Variants in CPNE3 observed in about 807,000 individuals in gnomAD.
CPNE3 encodes the protein copine-3.
A neutral mutation model predicts 63.9 loss-of-function variants in CPNE3; 68 were observed. The ratio of observed to expected loss-of-function variants is 1.06; its 90% CI spans 0.87 to 1.30. The LOEUF (loss-of-function observed/expected upper bound fraction) is 1.30. Among genes scored for constraint, CPNE3 ranks in the 50% most tolerant of loss-of-function variants. CPNE3 has a pLI of 0.00. For missense variants in CPNE3, 665 were observed against 578.1 expected (o/e 1.15, Z -1.54); for synonymous variants, 219 against 197.5 (o/e 1.11, Z -0.91).
chr8:86,527,327 CCCCTTTCATT>C (rs1251119273), intron 2 of CPNE3, among the ~76,000 whole-genome samples: 12 of 152,154 alleles, frequency 7.9e-5, no homozygotes, highest in African/African-American at 2.9e-4. Flanking sequence ...ACACCTGCAG[CCCCTTTCATT>C]CCCTGGGTTC....
rs1383203652 is a variant in CPNE3 at position 86,559,386 on chromosome 8, G to A, written c.*976G>A. ...AAAATTTTATACTTTCCTTGCTAAG[G>A]TCCCATATATTGATTTGTACAGATC... On this transcript the variant is annotated 3_prime_UTR_variant, in exon 17 of 17. Transcript: ENST00000517490. 1 of 151,942 alleles carries A rather than the reference G, an allele frequency of 6.6e-6. No individual in the cohort carries two copies. The highest frequency in any genetic ancestry group is 2.4e-5 in the African/African-American group (1 of 41,360). The allele number at this position is 151,942 out of a possible 1,614,324, so 9.4% of individuals were successfully genotyped here. A position where few individuals can be genotyped will look rare whatever the true frequency, so the allele number is the denominator to read the frequency against.
At chr8:86,516,035 C>T (rs979982445) in intron 2 of CPNE3, among the ~76,000 whole-genome samples, 8 of 152,144 alleles carry the variant, frequency 5.3e-5, no homozygotes, top group African/African-American at 7.2e-5. Flanking sequence ...TTTGCCTTTG[C>T]GAGAATTATT....
At chr8:86,547,421 C>CA (rs1456301969) in intron 10 of CPNE3, 1 of 263,352 alleles carries the variant, frequency 3.8e-6, no homozygotes, top group East Asian at 9.6e-5. Flanking sequence ...CTTTTTAAAG[C>CA]CCTCAACATA....
At chr8:86,549,284 C>T (rs1228048100) in intron 12 of CPNE3, among the ~76,000 whole-genome samples, 3 of 152,136 alleles carry the variant, frequency 2.0e-5, no homozygotes, top group Non-Finnish European at 4.4e-5. Context: ...AGGTAAAAAT[C>T]ATTAAATATA....
Position 86,540,713 on chromosome 8 carries a change from A to G in CPNE3, c.633+379A>G, listed in dbSNP as rs374125727. 3.9e-5 allele frequency among the ~76,000 whole-genome samples: 6 copies of G among 152,210 alleles called. No homozygotes were observed. In the East Asian group the frequency reaches 1.2e-3, roughly 29 times the overall value. On this transcript the variant is annotated intron_variant, in intron 8 of 16. Transcript: ENST00000517490. ...TCTGTTGCAGATAGAAGCAGATGTT[A>G]CCGTAAGAACTCAGAGCTTGCTTCT...
chr8:86,518,205 A>G (rs1820355997), intron 2 of CPNE3, among the ~76,000 whole-genome samples: 1 of 152,198 alleles, frequency 6.6e-6, no homozygotes, highest in Admixed American at 6.5e-5. Context: ...AGAAAAGGAA[A>G]GGAGTCAAAT....
chr8:86,559,877 A>G lies in CPNE3; in HGVS notation c.*1467A>G, dbSNP rs986340806. ...CCATGTTGATGTGCCTCTCAGTTTT[A>G]TTGAAAAGCTGCCCCACAGCCCATG... On this transcript the variant is annotated 3_prime_UTR_variant, in exon 17 of 17. Transcript: ENST00000517490. The G allele has an allele frequency of 6.6e-6, 1 of 152,202 alleles. No individual in the cohort carries two copies. Among genetic ancestry groups the G allele is most frequent in the Non-Finnish European group, 1.5e-5 (1 of 68,042 alleles). The allele number at this position is 152,202 out of a possible 1,614,324, so 9.4% of individuals were successfully genotyped here. A position where few individuals can be genotyped will look rare whatever the true frequency, so the allele number is the denominator to read the frequency against.
rs1821381388 is a variant in CPNE3, at chr8:86,559,033, G to GT, written c.*629dup. On this transcript the variant is annotated 3_prime_UTR_variant, in exon 17 of 17. Coordinates refer to ENST00000517490, the MANE Select transcript of CPNE3 (RefSeq NM_003909.5). Reference sequence around the variant, plus strand: ...ATGAGCAGGAAAAGGCACATACTCAGTTTTTTAAATGTACAATCAACAAGT... The same window carrying GT: ...ATGAGCAGGAAAAGGCACATACTCAGTTTTTTTAAATGTACAATCAACAAGT... 1 of 152,288 alleles carries GT rather than the reference G, an allele frequency of 6.6e-6. No homozygotes were observed. Among genetic ancestry groups the GT allele is most frequent in the South Asian group, 2.1e-4 (1 of 4,824 alleles). 9.4% of individuals were successfully genotyped at this position (152,288 alleles called of 1,614,324 possible).
intron 8 of CPNE3, among the ~76,000 whole-genome samples, chr8:86,542,178 A>G (rs1283566422): frequency 1.3e-5 from 2 of 152,228 alleles, no homozygotes; most frequent in African/African-American, 4.8e-5. Flanking sequence ...CTACGTCATC[A>G]CTGACTTTAT....
chr8:86,546,599 A>T lies in CPNE3; in HGVS notation c.737A>T (p.Glu246Val). ...LKEASRSSPV[E>V]FECINEKKRQ... ...TTTTGTCTTCTCTTCCTACAGGTTG[A>T]ATTTGAATGCATAAATGAGAAAAAA... The change falls in exon 10 of 17, where the codon GAA becomes GTA. Residue 246 changes from glutamate (E) to valine (V), a missense_variant. By Grantham distance (121) the Glu-to-Val change is moderately radical. Transcript: ENST00000517490. 1 of 1,613,054 alleles carries T rather than the reference A, an allele frequency of 6.2e-7. No homozygotes were observed.
chr8:86,551,076 C>A lies in CPNE3; in HGVS notation c.1044C>A (p.Gly348=), dbSNP rs137984538. The A allele has an allele frequency of 1.2e-6, 2 of 1,609,654 alleles. No homozygotes were observed. The highest frequency in any genetic ancestry group is 1.1e-5 in the South Asian group (1 of 89,958). Residue 348 remains glycine (G), a synonymous_variant, in exon 13 of 17, where the codon GGC becomes GGA. Coordinates refer to ENST00000517490, the MANE Select transcript of CPNE3 (RefSeq NM_003909.5). Reference sequence around the variant, plus strand: ...AGATGTTTCCAGCTTTTGGTTTTGGCGCTCAGATACCTCCTCAGTGGCAGG... The same window carrying A: ...AGATGTTTCCAGCTTTTGGTTTTGGAGCTCAGATACCTCCTCAGTGGCAGG... The part of the protein sequence containing the change: ...ADKMFPAFGF[G]AQIPPQWQVS...
intron 16 of CPNE3, 137 bp downstream of exon 16, chr8:86,556,475 A>G: frequency 1.4e-6 from 1 of 693,704 alleles, no homozygotes; most frequent in East Asian, 2.5e-5. Context: ...GAGAGCTCCG[A>G]TTTGGTTTAG....
chr8:86,549,958 A>G (rs1037164498), intron 12 of CPNE3, among the ~76,000 whole-genome samples: 1 of 152,204 alleles, frequency 6.6e-6, no homozygotes, highest in African/African-American at 2.4e-5. Context: ...CAGGTGTTCT[A>G]TTATTAAAGG....
intron 2 of CPNE3, among the ~76,000 whole-genome samples, chr8:86,528,127 T>A (rs1325291990): frequency 2.0e-5 from 3 of 151,860 alleles, no homozygotes; most frequent in African/African-American, 7.3e-5. Context: ...TTTTTTTATT[T>A]TTAGTAGAGA....
intron 2 of CPNE3, among the ~76,000 whole-genome samples, chr8:86,517,635 A>T (rs2131415716): frequency 6.6e-6 from 1 of 152,328 alleles, no homozygotes. Flanking sequence ...AAATATGTAA[A>T]ATTGCACCCC....
At chr8:86,538,914 C>G (rs1033440853) in intron 7 of CPNE3, among the ~76,000 whole-genome samples, 2 of 152,134 alleles carry the variant, frequency 1.3e-5, no homozygotes, top group Non-Finnish European at 2.9e-5. Context: ...TGGTGTGAAA[C>G]TATGAGACTG....
At chr8:86,524,169 G>C (rs990853322) in intron 2 of CPNE3, among the ~76,000 whole-genome samples, 3 of 152,132 alleles carry the variant, frequency 2.0e-5, no homozygotes, top group Admixed American at 6.5e-5. Flanking sequence ...GAGATTTGGG[G>C]TTCTAGTAGG....
chr8:86,547,820 A>G (rs1390323707), intron 11 of CPNE3, 50 bp downstream of exon 11: 5 of 878,714 alleles, frequency 5.7e-6, no homozygotes, highest in East Asian at 4.9e-5. Flanking sequence ...TCCATGTTGC[A>G]GTATATTTTC....
intron 4 of CPNE3, among the ~76,000 whole-genome samples, chr8:86,530,938 C>T (rs529863022): frequency 3.7e-4 from 57 of 152,080 alleles, no homozygotes; most frequent in African/African-American, 1.2e-3. Flanking sequence ...GTAATCTGCC[C>T]GCCTCAGCCT....
Sources: allele counts gnomAD v4.1 joint callset (sites outside exome capture counted in the v4.1 genomes callset), GRCh38; gene constraint gnomAD v4.1.1; transcripts MANE v1.5; gene names NCBI Gene and HGNC (gene_info 2026-07-23, HGNC 2026-07-21).